Variants in TBC1D5 observed in about 807,000 individuals in gnomAD.
The protein encoded by TBC1D5 is TBC1 domain family, member 5.
In TBC1D5, 75 loss-of-function variants were observed where a neutral mutation model predicts 100.3. The ratio of observed to expected loss-of-function variants is 0.75; its 90% CI spans 0.62 to 0.91. The LOEUF (loss-of-function observed/expected upper bound fraction) is 0.91, where lower values mean the gene tolerates loss of function less well. Ranked by LOEUF, TBC1D5 falls within the 40% of genes least tolerant of loss-of-function variation. The pLI, the probability that TBC1D5 is intolerant of heterozygous loss-of-function variation, is 0.00. For missense variants in TBC1D5, 910 were observed against 942.4 expected, an observed-to-expected ratio of 0.97 and a Z score of 0.45; for synonymous variants, 323 against 325.6, an observed-to-expected ratio of 0.99 and a Z score of 0.09.
At chr3:17,742,237 G>A (rs1158873279), upstream of TBC1D5, among the ~76,000 whole-genome samples, 7 of 152,114 alleles carry the variant, frequency 4.6e-5, no homozygotes, top group South Asian at 1.0e-3. Context: ...CGCCGACTCC[G>A]AGGCGCACAA....
chr3:17,193,339 C>T (rs900257427), intron 18 of TBC1D5, among the ~76,000 whole-genome samples: 1 of 152,196 alleles, frequency 6.6e-6, no homozygotes, highest in African/African-American at 2.4e-5. Flanking sequence ...CAAATTGCTA[C>T]TTGACTTATA....
At chr3:17,351,052 G>A (rs1338216416) in intron 13 of TBC1D5, among the ~76,000 whole-genome samples, 1 of 152,066 alleles carries the variant, frequency 6.6e-6, no homozygotes, top group African/African-American at 2.4e-5. Context: ...AATTAGGAAG[G>A]AATATTATTT....
intron 4 of TBC1D5, among the ~76,000 whole-genome samples, chr3:17,416,695 C>T (rs1355908103): frequency 1.3e-5 from 2 of 152,042 alleles, no homozygotes; most frequent in Admixed American, 6.6e-5. Flanking sequence ...TTTTCTTTCC[C>T]GTGTCTATCT....
intron 7 of TBC1D5, 108 bp downstream of exon 7, chr3:17,404,585 GA>G: frequency 1.0e-6 from 1 of 988,524 alleles, no homozygotes; most frequent in Non-Finnish European, 1.5e-6. Flanking sequence ...GTGGAATAAA[GA>G]AAACAGTTAG....
At chr3:17,504,326 C>A (rs1273133310) in intron 3 of TBC1D5, among the ~76,000 whole-genome samples, 1 of 147,190 alleles carries the variant, frequency 6.8e-6, no homozygotes, top group African/African-American at 2.5e-5. Context: ...GGGAGATATA[C>A]CTAATGCTAG....
At chr3:17,429,283 T>C (rs2094404066) in intron 3 of TBC1D5, among the ~76,000 whole-genome samples, 1 of 151,910 alleles carries the variant, frequency 6.6e-6, no homozygotes, top group African/African-American at 2.4e-5. Flanking sequence ...TGCTTACCAA[T>C]GCCCCGTTGT....
intron 2 of TBC1D5, among the ~76,000 whole-genome samples, chr3:17,578,000 T>C (rs1002076180): frequency 1.3e-4 from 19 of 151,976 alleles, no homozygotes; most frequent in Non-Finnish European, 2.7e-4. Flanking sequence ...AGAAAATGCA[T>C]AGTGACTGCA....
At chr3:17,245,368 C>T (rs2076651639) in intron 16 of TBC1D5, among the ~76,000 whole-genome samples, 1 of 152,198 alleles carries the variant, frequency 6.6e-6, no homozygotes, top group Non-Finnish European at 1.5e-5. Flanking sequence ...GAACTCACTG[C>T]TCATCTCAAG....
chr3:17,347,134 A>G (rs2089995940), intron 13 of TBC1D5, among the ~76,000 whole-genome samples: 1 of 152,170 alleles, frequency 6.6e-6, no homozygotes, highest in African/African-American at 2.4e-5. Flanking sequence ...AGAGGGTGGT[A>G]CTTGGCCCAG....
intron 2 of TBC1D5, among the ~76,000 whole-genome samples, chr3:17,618,680 A>C (rs774920929): frequency 1.3e-5 from 2 of 152,214 alleles, no homozygotes; most frequent in Non-Finnish European, 2.9e-5. Flanking sequence ...CAGTGAGCAA[A>C]GCTCCATGGG....
chr3:17,529,724 G>A (rs1332628380), intron 2 of TBC1D5, among the ~76,000 whole-genome samples: 1 of 151,636 alleles, frequency 6.6e-6, no homozygotes, highest in Non-Finnish European at 1.5e-5. Context: ...TCGGCTCACT[G>A]CAACCTCTGT....
chr3:17,199,669 G>A lies in TBC1D5; in HGVS notation c.1753-14461C>T, dbSNP rs1213710286. Reference sequence around the variant, plus strand: ...TGTGGTAGTATATATATGTACTGAAGGGACCTATGGAAGGACTCAGGTAAA... The same window carrying A: ...TGTGGTAGTATATATATGTACTGAAAGGACCTATGGAAGGACTCAGGTAAA... On this transcript the variant is annotated intron_variant, in intron 18 of 21. Coordinates refer to ENST00000253692, the Ensembl canonical transcript of TBC1D5. Among the ~76,000 whole-genome samples the A allele has an allele frequency of 2.0e-5, 3 of 152,114 alleles. No individual in the cohort carries two copies. The East Asian group carries it at 5.8e-4, about 29-fold the overall frequency.
At chr3:17,726,641 T>C (rs1180447584) in intron 1 of TBC1D5, among the ~76,000 whole-genome samples, 2 of 152,216 alleles carry the variant, frequency 1.3e-5, no homozygotes, top group Non-Finnish European at 2.9e-5. Context: ...AGTTTAGAAA[T>C]ATTTCCCCCC....
intron 2 of TBC1D5, among the ~76,000 whole-genome samples, chr3:17,512,867 G>T (rs1183377754): frequency 1.3e-5 from 2 of 152,154 alleles, no homozygotes; most frequent in African/African-American, 2.4e-5. Flanking sequence ...ATTTGTACTG[G>T]TTTCACAAGT....
At chr3:17,273,893 T>C (rs940641440) in intron 15 of TBC1D5, among the ~76,000 whole-genome samples, 3 of 151,288 alleles carry the variant, frequency 2.0e-5, no homozygotes, top group Non-Finnish European at 2.9e-5. Flanking sequence ...ATGCAACAAA[T>C]TGTTCATGGC....
At chr3:17,401,611 A>G (rs1008877418) in intron 8 of TBC1D5, among the ~76,000 whole-genome samples, 2 of 151,986 alleles carry the variant, frequency 1.3e-5, no homozygotes, top group East Asian at 3.9e-4. Context: ...CTTTAAGTCA[A>G]TCTGGCCCCC....
intron 3 of TBC1D5, among the ~76,000 whole-genome samples, chr3:17,429,176 A>G (rs994328818): frequency 7.2e-5 from 11 of 151,964 alleles, no homozygotes; most frequent in African/African-American, 2.7e-4. Context: ...TTTTTACTCA[A>G]AAATCTATCA....
intron 2 of TBC1D5, among the ~76,000 whole-genome samples, chr3:17,549,307 A>T (rs2096451084): frequency 6.6e-6 from 1 of 152,250 alleles, no homozygotes; most frequent in Non-Finnish European, 1.5e-5. Context: ...TCTCAAAAAA[A>T]TAAGATAAAA....
At chr3:17,700,865 C>T (rs1395520466) in intron 1 of TBC1D5, among the ~76,000 whole-genome samples, 1 of 152,102 alleles carries the variant, frequency 6.6e-6, no homozygotes, top group Non-Finnish European at 1.5e-5. Context: ...AATAGGAACA[C>T]TTTTACACTG....
Sources: gnomAD v4.1 joint callset for allele counts (sites outside exome capture counted in the v4.1 genomes callset) on GRCh38, gnomAD v4.1.1 for gene constraint, MANE v1.5 for transcripts, NCBI Gene and HGNC (gene_info 2026-07-23, HGNC 2026-07-21) for gene names.